The following TEAD1 variants were observed in gnomAD, a reference collection of about 807,000 sequenced individuals.
The protein encoded by TEAD1 is transcriptional enhancer factor TEF-1.
TEAD1 carries 9 observed loss-of-function variants against 54.9 expected under a neutral mutation model. The ratio of observed to expected loss-of-function variants is 0.16; its 90% confidence interval spans 0.10 to 0.29. The LOEUF (loss-of-function observed/expected upper bound fraction) is 0.29, where lower values mean the gene tolerates loss of function less well. Ranked by LOEUF, TEAD1 falls within the 10% of genes least tolerant of loss-of-function variation. The pLI, the probability that TEAD1 is intolerant of heterozygous loss-of-function variation, is 1.00. For synonymous variants in TEAD1, 200 were observed against 187.8 expected, an observed-to-expected ratio of 1.07 and a Z score of -0.53; for missense variants, 387 against 535.9, an observed-to-expected ratio of 0.72 and a Z score of 2.74.
At chr11:12,711,038 T>C (rs1943925623) in intron 2 of TEAD1, among the ~76,000 whole-genome samples, 1 of 152,116 alleles carries the variant, frequency 6.6e-6, no homozygotes, top group Non-Finnish European at 1.5e-5. Context: ...GTGAATACCA[T>C]GTTTAGGAGC....
chr11:12,842,285 C>G (rs776959902), intron 3 of TEAD1, among the ~76,000 whole-genome samples: 1 of 152,166 alleles, frequency 6.6e-6, no homozygotes, highest in Non-Finnish European at 1.5e-5. Context: ...ACCACCGTTA[C>G]GAGAATACCT....
intron 3 of TEAD1, among the ~76,000 whole-genome samples, chr11:12,808,635 T>C (rs954481682): frequency 8.6e-5 from 13 of 151,866 alleles, no homozygotes; most frequent in African/African-American, 3.1e-4. Flanking sequence ...TGTGGAGAGG[T>C]GGATGATTTT....
chr11:12,832,743 A>G (rs1946808289), intron 3 of TEAD1, among the ~76,000 whole-genome samples: 1 of 152,266 alleles, frequency 6.6e-6, no homozygotes, highest in Admixed American at 6.5e-5. Flanking sequence ...TTTTTAACAA[A>G]TAAGAAGAAG....
chr11:12,708,063 C>A (rs1176837904), intron 2 of TEAD1, among the ~76,000 whole-genome samples: 1 of 151,160 alleles, frequency 6.6e-6, no homozygotes, highest in African/African-American at 2.4e-5. Flanking sequence ...TTTGGCAGTT[C>A]CCAAAGTCCC....
intron 3 of TEAD1, among the ~76,000 whole-genome samples, chr11:12,769,952 C>T (rs1945282050): frequency 6.6e-6 from 1 of 152,040 alleles, no homozygotes. Flanking sequence ...CCCTGAGGGC[C>T]TCTCCTGTGG....
At chr11:12,817,330 G>T (rs1386847953) in intron 3 of TEAD1, among the ~76,000 whole-genome samples, 1 of 152,202 alleles carries the variant, frequency 6.6e-6, no homozygotes, top group Non-Finnish European at 1.5e-5. Context: ...TGGTCAGCCA[G>T]ACGGAGAATA....
At chr11:12,867,331 A>G (rs1947638114) in intron 5 of TEAD1, among the ~76,000 whole-genome samples, 1 of 152,122 alleles carries the variant, frequency 6.6e-6, no homozygotes, top group Admixed American at 6.5e-5. Context: ...CCAGCCCTTC[A>G]CTTGGCATCC....
intron 2 of TEAD1, among the ~76,000 whole-genome samples, chr11:12,751,815 A>G (rs1944875978): frequency 6.6e-6 from 1 of 152,186 alleles, no homozygotes; most frequent in Admixed American, 6.5e-5. Context: ...TGAAGACTAA[A>G]TGTGGACTTA....
chr11:12,882,815 T>G (rs1267178113), intron 8 of TEAD1, among the ~76,000 whole-genome samples, 186 bp from the exon 9 acceptor site: 3 of 152,208 alleles, frequency 2.0e-5, no homozygotes, highest in African/African-American at 7.2e-5. Context: ...TTGTGCTTAT[T>G]TGACTGTTTA....
chr11:12,680,907 C>T (rs1000613314), intron 2 of TEAD1, among the ~76,000 whole-genome samples: 1 of 152,162 alleles, frequency 6.6e-6, no homozygotes, highest in Admixed American at 6.5e-5. Flanking sequence ...GATAAGCTGT[C>T]TGGTAATTTA....
At chr11:12,686,451 A>G (rs1461608520) in intron 2 of TEAD1, among the ~76,000 whole-genome samples, 1 of 152,220 alleles carries the variant, frequency 6.6e-6, no homozygotes, top group Non-Finnish European at 1.5e-5. Context: ...ATGCACTCAT[A>G]AGTATTTTTT....
At chr11:12,711,335 CATA>C (rs1943934509) in intron 2 of TEAD1, among the ~76,000 whole-genome samples, 1 of 152,150 alleles carries the variant, frequency 6.6e-6, no homozygotes, top group Admixed American at 6.5e-5. Flanking sequence ...GTAGTAATGA[CATA>C]ATTCATATTT....
intron 3 of TEAD1, among the ~76,000 whole-genome samples, chr11:12,819,212 C>G (rs1439577136): frequency 6.6e-6 from 1 of 151,574 alleles, no homozygotes; most frequent in Non-Finnish European, 1.5e-5. Flanking sequence ...TAAGCATCTT[C>G]CTCTTGTACT....
At chr11:12,794,168 C>A (rs548440469) in intron 3 of TEAD1, among the ~76,000 whole-genome samples, 1 of 152,280 alleles carries the variant, frequency 6.6e-6, no homozygotes, top group Admixed American at 6.5e-5. Flanking sequence ...GCTGTGTAAC[C>A]CTGCACAGGT....
At chr11:12,878,559 G>A (rs1245508157) in intron 5 of TEAD1, among the ~76,000 whole-genome samples, 2 of 152,126 alleles carry the variant, frequency 1.3e-5, no homozygotes, top group African/African-American at 4.8e-5. Flanking sequence ...CACCGGGCCT[G>A]TCTCATACCA....
intron 3 of TEAD1, chr11:12,822,362 A>T (rs1034032153): frequency 1.3e-5 from 2 of 152,220 alleles, no homozygotes; most frequent in African/African-American, 4.8e-5. Context: ...GGTGACTGAA[A>T]TAATTATTTT....
rs113125361 is a variant in TEAD1 at position 12,855,781 on chromosome 11, C to CA, written c.203-6459dup. ...CAGCATAGTGAGACCTCTGTCTCTA[C>CA]AAAAAAAAAATTTAAGAATTAGCCA... On this transcript the variant is annotated intron_variant, in intron 3 of 12. Transcript: ENST00000527636. Among the ~76,000 whole-genome samples, 593 of 147,224 alleles carry CA rather than the reference C, an allele frequency of 4.0e-3. 5 individuals carry two copies. The highest frequency in any genetic ancestry group is 0.013 in the African/African-American group (536 of 40,348).
intron 3 of TEAD1, among the ~76,000 whole-genome samples, chr11:12,783,928 A>G (rs549612416): frequency 7.2e-5 from 11 of 152,226 alleles, no homozygotes; most frequent in Admixed American, 3.9e-4. Context: ...TATGCAGCAT[A>G]TACACAGGAA....
At chr11:12,875,099 T>C (rs912624219) in intron 5 of TEAD1, among the ~76,000 whole-genome samples, 6 of 152,200 alleles carry the variant, frequency 3.9e-5, no homozygotes, top group African/African-American at 1.4e-4. Flanking sequence ...CATCAAACAA[T>C]GTGCTCACCT....
Sources: allele counts gnomAD v4.1 joint callset (sites outside exome capture counted in the v4.1 genomes callset), GRCh38; gene constraint gnomAD v4.1.1; transcripts MANE v1.5; gene names NCBI Gene and HGNC (gene_info 2026-07-23, HGNC 2026-07-21).